ZNF804B: variants seen among roughly 807,000 people sequenced by gnomAD.
ZNF804B encodes the protein zinc finger protein 804B.
A neutral mutation model predicts 101.4 loss-of-function variants in ZNF804B; 80 were observed. The ratio of observed to expected loss-of-function variants is 0.79; its 90% CI spans 0.66 to 0.95. The LOEUF is 0.95. Ranked by LOEUF, ZNF804B falls within the 40% of genes least tolerant of loss-of-function variation. ZNF804B has a pLI of 0.00. For missense variants in ZNF804B, 1,673 were observed against 1,561.9 expected, an observed-to-expected ratio of 1.07 and a Z score of -1.20; for synonymous variants, 622 against 558.8, an observed-to-expected ratio of 1.11 and a Z score of -1.59.
At chr7:88,840,850 TTGAC>T (rs1252127240) in intron 1 of ZNF804B, among the ~76,000 whole-genome samples, 1 of 152,132 alleles carries the variant, frequency 6.6e-6, no homozygotes. Flanking sequence ...ATAAACAAAA[TTGAC>T]TGACTATAAA....
chr7:89,145,630 A>G (rs1790779806), intron 1 of ZNF804B, among the ~76,000 whole-genome samples: 1 of 152,036 alleles, frequency 6.6e-6, no homozygotes, highest in Admixed American at 6.6e-5. Context: ...CCTTAAATGA[A>G]GTAACAACTT....
At chr7:88,892,063 C>G (rs1475872050) in intron 1 of ZNF804B, among the ~76,000 whole-genome samples, 1 of 152,100 alleles carries the variant, frequency 6.6e-6, no homozygotes, top group Non-Finnish European at 1.5e-5. Flanking sequence ...AACCAAAGAT[C>G]CTTAGCATGT....
intron 2 of ZNF804B, among the ~76,000 whole-genome samples, chr7:89,244,319 T>C (rs1001619334): frequency 2.6e-5 from 4 of 152,086 alleles, no homozygotes; most frequent in African/African-American, 9.6e-5. Context: ...AGATGAAATG[T>C]TTCAAAACTT....
intron 2 of ZNF804B, among the ~76,000 whole-genome samples, chr7:89,279,077 A>T (rs1346865770): frequency 6.6e-6 from 1 of 152,072 alleles, no homozygotes; most frequent in Non-Finnish European, 1.5e-5. Context: ...ATCCCTTGTA[A>T]GGTGGATTCC....
At chr7:88,864,903 T>G (rs1791702478) in intron 1 of ZNF804B, among the ~76,000 whole-genome samples, 1 of 152,160 alleles carries the variant, frequency 6.6e-6, no homozygotes, top group Non-Finnish European at 1.5e-5. Context: ...AAACTTGATT[T>G]TCTTCTAAGC....
chr7:88,794,289 G>A (rs1456528560), intron 1 of ZNF804B: 2 of 1,613,672 alleles, frequency 1.2e-6, no homozygotes, highest in Non-Finnish European at 1.7e-6. Context: ...CTTCGGATTT[G>A]CACAAGTACT....
chr7:89,074,013 A>C (rs183421438), intron 1 of ZNF804B, among the ~76,000 whole-genome samples: 20 of 152,278 alleles, frequency 1.3e-4, no homozygotes, highest in Admixed American at 1.3e-3. Context: ...GGGAAGTACC[A>C]GTTTATAGAG....
chr7:89,062,709 T>C (rs951005228), intron 1 of ZNF804B, among the ~76,000 whole-genome samples: 3 of 152,082 alleles, frequency 2.0e-5, no homozygotes, highest in Admixed American at 1.3e-4. Context: ...CACCTGCCCA[T>C]TATTTCCTAT....
chr7:88,927,318 C>A (rs1792818933), intron 1 of ZNF804B, among the ~76,000 whole-genome samples: 1 of 152,120 alleles, frequency 6.6e-6, no homozygotes, highest in Non-Finnish European at 1.5e-5. Flanking sequence ...CTGAAAAAAA[C>A]AGTCTCATTC....
chr7:89,056,092 A>T (rs1270748496), intron 1 of ZNF804B, among the ~76,000 whole-genome samples: 1 of 152,092 alleles, frequency 6.6e-6, no homozygotes, highest in African/African-American at 2.4e-5. Flanking sequence ...TTAGAGGAGC[A>T]TTGATTCTGA....
chr7:88,999,570 T>C (rs2116168809), intron 1 of ZNF804B, among the ~76,000 whole-genome samples: 1 of 152,124 alleles, frequency 6.6e-6, no homozygotes, highest in African/African-American at 2.4e-5. Context: ...AAAAATTAAT[T>C]GTAATCAGCA....
intron 1 of ZNF804B, among the ~76,000 whole-genome samples, chr7:89,179,120 A>G (rs114677390): frequency 2.6e-5 from 4 of 152,272 alleles, no homozygotes; most frequent in African/African-American, 9.6e-5. Flanking sequence ...GAGCTTGATT[A>G]CTAAATGTTT....
chr7:89,314,595 C>A (rs1411080118), intron 2 of ZNF804B, among the ~76,000 whole-genome samples: 2 of 152,128 alleles, frequency 1.3e-5, no homozygotes, highest in Non-Finnish European at 2.9e-5. Flanking sequence ...AGGTGCTATG[C>A]AAACGATTTA....
chr7:89,053,640 C>T (rs543885772), intron 1 of ZNF804B, among the ~76,000 whole-genome samples: 11 of 152,012 alleles, frequency 7.2e-5, no homozygotes, highest in Non-Finnish European at 1.3e-4. Flanking sequence ...CAGATGATCA[C>T]TTTTGATTTC....
intron 1 of ZNF804B, among the ~76,000 whole-genome samples, chr7:88,957,944 A>C (rs1036443284): frequency 1.3e-5 from 2 of 151,148 alleles, no homozygotes; most frequent in Admixed American, 1.3e-4. Flanking sequence ...GTATATATAT[A>C]CAGAGTACTA....
chr7:88,914,391 C>T (rs1291268486), intron 1 of ZNF804B, among the ~76,000 whole-genome samples: 2 of 152,062 alleles, frequency 1.3e-5, no homozygotes, highest in African/African-American at 4.8e-5. Flanking sequence ...TAATACTCTC[C>T]CTCTAGTTAC....
intron 1 of ZNF804B, among the ~76,000 whole-genome samples, chr7:88,854,414 C>CCTTTCTCTTTCTTTCTTT (rs1554340150): frequency 3.5e-5 from 2 of 57,076 alleles, no homozygotes; most frequent in African/African-American, 1.3e-4. Context: ...TTTCTTTCTT[C>CCTTTCTCTTTCTTTCTTT]CTTTCTTTCT....
rs1224523461 is a variant in ZNF804B, at chr7:89,276,830, G to A, written c.250-50514G>A. Among the ~76,000 whole-genome samples the A allele has an allele frequency of 2.0e-5, 3 of 151,662 alleles. No homozygotes were observed. In the East Asian group the frequency reaches 5.8e-4, roughly 29 times the overall value. ...TATTTGTACTTAGTATGACTCTAGAGGTATTCTGTAGTCTTTTTATCACTT... is the reference window on the plus strand; with the variant it reads ...TATTTGTACTTAGTATGACTCTAGAAGTATTCTGTAGTCTTTTTATCACTT... On this transcript the variant is annotated intron_variant, in intron 2 of 3. Transcript: ENST00000333190.
At chr7:89,318,798 G>T (rs1790769215) in intron 2 of ZNF804B, among the ~76,000 whole-genome samples, 2 of 152,070 alleles carry the variant, frequency 1.3e-5, no homozygotes, top group Admixed American at 6.6e-5. Context: ...TAACCCAGCG[G>T]CGCTAGAGGA....
Sources: allele counts gnomAD v4.1 joint callset (sites outside exome capture counted in the v4.1 genomes callset), GRCh38; gene constraint gnomAD v4.1.1; transcripts MANE v1.5; gene names NCBI Gene and HGNC (gene_info 2026-07-23, HGNC 2026-07-21).